Variants in SLC16A12 observed in about 807,000 individuals in gnomAD.
SLC16A12 encodes the protein solute carrier family 16 member 12.
Under a neutral mutation model 42.4 loss-of-function variants are expected in SLC16A12, and 17 were observed. That is an observed-to-expected ratio of 0.40 (90% CI 0.27 to 0.60). The LOEUF (loss-of-function observed/expected upper bound fraction) is 0.60. Among genes scored for constraint, SLC16A12 ranks in the 20% least tolerant of loss-of-function variants. The pLI is 0.42. For synonymous variants in SLC16A12, 224 were observed against 229.4 expected, an observed-to-expected ratio of 0.98 and a Z score of 0.21; for missense variants, 544 against 623.0, an observed-to-expected ratio of 0.87 and a Z score of 1.35.
chr10:89,490,670 T>A (rs539060842), intron 2 of SLC16A12, among the ~76,000 whole-genome samples: 4 of 152,182 alleles, frequency 2.6e-5, no homozygotes, highest in Non-Finnish European at 5.9e-5. Flanking sequence ...ACTCCATGTG[T>A]TCACCAACCC....
At chr10:89,540,389 A>G (rs1771509460), upstream of SLC16A12, among the ~76,000 whole-genome samples, 1 of 152,142 alleles carries the variant, frequency 6.6e-6, no homozygotes, top group Non-Finnish European at 1.5e-5. Context: ...GTGAGCCACC[A>G]TGCCCAGCCT....
chr10:89,525,866 C>T (rs999784849), intron 2 of SLC16A12, among the ~76,000 whole-genome samples: 2 of 152,296 alleles, frequency 1.3e-5, no homozygotes, highest in Admixed American at 6.5e-5. Flanking sequence ...CAAGGGAGAA[C>T]TAAGATACGG....
chr10:89,531,261 T>C (rs1843548823), intron 2 of SLC16A12, among the ~76,000 whole-genome samples: 5 of 149,506 alleles, frequency 3.3e-5, no homozygotes. Context: ...TAGCCAGGCA[T>C]GGTGGTGGAT....
intron 2 of SLC16A12, among the ~76,000 whole-genome samples, chr10:89,529,455 C>A (rs1843505536): frequency 6.6e-6 from 1 of 151,658 alleles, no homozygotes; most frequent in Non-Finnish European, 1.5e-5. Flanking sequence ...CATATATGAA[C>A]CACCGAGCCA....
intron 2 of SLC16A12, among the ~76,000 whole-genome samples, chr10:89,507,020 T>G (rs542827550): frequency 6.6e-6 from 1 of 151,584 alleles, no homozygotes; most frequent in Admixed American, 6.6e-5. Context: ...GAAGACAAGA[T>G]TAGAGAAAAA....
chr10:89,479,514 A>G (rs959065473), intron 2 of SLC16A12, among the ~76,000 whole-genome samples: 2 of 152,184 alleles, frequency 1.3e-5, no homozygotes, highest in Non-Finnish European at 2.9e-5. Flanking sequence ...TGCCTTAACT[A>G]TCAGTATTAT....
At chr10:89,441,929 G>T (rs1363312583) in intron 4 of SLC16A12, among the ~76,000 whole-genome samples, 1 of 152,178 alleles carries the variant, frequency 6.6e-6, no homozygotes, top group Non-Finnish European at 1.5e-5. Context: ...AAGTTCAGGG[G>T]TATATGGCAT....
chr10:89,499,019 A>G (rs1385484308), intron 2 of SLC16A12, among the ~76,000 whole-genome samples: 1 of 152,176 alleles, frequency 6.6e-6, no homozygotes, highest in Non-Finnish European at 1.5e-5. Context: ...AGCCTACCCA[A>G]ATGAGAAGGA....
In SLC16A12 at chr10:89,458,693, C is replaced by T. The variant is rs189004406; in HGVS notation, c.200+3686G>A. On this transcript the variant is annotated intron_variant, in intron 3 of 7. Coordinates refer to ENST00000371790, the MANE Select transcript of SLC16A12 (RefSeq NM_213606.4). ...CATACTGAAGAGCTTTACTTAATTA[C>T]GATTTGGTTGGGAACAAGGTGGAAA... 5.7e-4 allele frequency among the ~76,000 whole-genome samples: 87 copies of T among 152,228 alleles called. 1 individual carries two copies. In the South Asian group the frequency reaches 8.5e-3, roughly 15 times the overall value.
At chr10:89,493,456 C>G (rs1842878261) in intron 2 of SLC16A12, among the ~76,000 whole-genome samples, 3 of 152,212 alleles carry the variant, frequency 2.0e-5, no homozygotes, top group African/African-American at 7.2e-5. Flanking sequence ...CTCCCAACCT[C>G]AGGTAATCCG....
In SLC16A12 at chr10:89,446,707, G is replaced by T. The variant is rs577039104; in HGVS notation, c.201-2848C>A. Among the ~76,000 whole-genome samples the T allele has an allele frequency of 3.3e-5, 5 of 152,250 alleles. No individual in the cohort carries two copies. In the South Asian group the frequency reaches 1.0e-3, roughly 32 times the overall value. ...AGGAAGAAACTGCATCAACTAATGG[G>T]CAAAATAACCAGCTAACATTGTAAT... is the stretch of plus-strand genomic sequence containing the variant. On this transcript the variant is annotated intron_variant, in intron 3 of 7. Transcript: ENST00000371790.
chr10:89,534,113 A>T (rs2133875045), intron 2 of SLC16A12, among the ~76,000 whole-genome samples: 2 of 152,246 alleles, frequency 1.3e-5, no homozygotes, highest in South Asian at 4.2e-4. Flanking sequence ...GTTTCTCTAA[A>T]CCCTGTAATT....
chr10:89,505,248 C>G (rs910740973), intron 2 of SLC16A12, among the ~76,000 whole-genome samples: 2 of 151,982 alleles, frequency 1.3e-5, no homozygotes, highest in African/African-American at 4.8e-5. Context: ...AACCCCATCT[C>G]TACTAAAAAT....
chr10:89,481,346 T>C (rs1842657613), intron 2 of SLC16A12, among the ~76,000 whole-genome samples: 1 of 152,168 alleles, frequency 6.6e-6, no homozygotes, highest in African/African-American at 2.4e-5. Context: ...GTGTACATTT[T>C]TTTTTCCATT....
chr10:89,552,214 G>A (rs771377678), intron 2 of SLC16A12, among the ~76,000 whole-genome samples: 37 of 152,210 alleles, frequency 2.4e-4, no homozygotes, highest in Middle Eastern at 3.2e-3. Context: ...GATTACAGGC[G>A]TGAGCCACTC....
At chr10:89,463,988 G>A (rs78494837) in intron 2 of SLC16A12, among the ~76,000 whole-genome samples, 2,544 of 152,240 alleles carry the variant, frequency 0.017, 26 homozygotes, top group Middle Eastern at 0.024. Context: ...CACCTGTGAT[G>A]GAACCTGACT....
chr10:89,434,101 A>G (rs1457671670), intron 7 of SLC16A12, among the ~76,000 whole-genome samples: 3 of 152,112 alleles, frequency 2.0e-5, no homozygotes, highest in African/African-American at 4.8e-5. Context: ...TCTCTTACCC[A>G]CTTCAGATCC....
At chr10:89,473,459 G>A (rs1444840898) in intron 2 of SLC16A12, among the ~76,000 whole-genome samples, 1 of 152,040 alleles carries the variant, frequency 6.6e-6, no homozygotes, top group African/African-American at 2.4e-5. Context: ...ACTTATGGAA[G>A]AAAACAGAGG....
upstream of SLC16A12, among the ~76,000 whole-genome samples, chr10:89,537,639 G>A (rs1241745967): frequency 1.3e-5 from 2 of 152,144 alleles, no homozygotes; most frequent in Non-Finnish European, 2.9e-5. Flanking sequence ...AAGGTCTTTA[G>A]GTTAAAGGCT....
Sources: gnomAD v4.1 joint callset for allele counts (sites outside exome capture counted in the v4.1 genomes callset) on GRCh38, gnomAD v4.1.1 for gene constraint, MANE v1.5 for transcripts, NCBI Gene and HGNC (gene_info 2026-07-23, HGNC 2026-07-21) for gene names.